Variants in ESRRG observed in about 807,000 individuals in gnomAD.
The protein encoded by ESRRG is estrogen related receptor gamma.
A neutral mutation model predicts 44.0 loss-of-function variants in ESRRG; 13 were observed. That is an observed-to-expected ratio of 0.30 (90% CI 0.19 to 0.47). ESRRG has a LOEUF of 0.47. Ranked by LOEUF, ESRRG falls within the 20% of genes least tolerant of loss-of-function variation. The pLI, the probability that ESRRG is intolerant of heterozygous loss-of-function variation, is 1.00. For missense variants in ESRRG, 395 were observed against 580.6 expected (o/e 0.68, Z 3.29); for synonymous variants, 215 against 214.6 (o/e 1.00, Z -0.02).
intron 1 of ESRRG, among the ~76,000 whole-genome samples, chr1:217,024,910 A>C (rs899414043): frequency 2.6e-5 from 4 of 152,208 alleles, no homozygotes; most frequent in African/African-American, 9.6e-5. Context: ...TTAGCAGCAG[A>C]GATATACTTT....
chr1:216,655,696 T>A (rs1022129032), intron 2 of ESRRG, among the ~76,000 whole-genome samples: 4 of 152,198 alleles, frequency 2.6e-5, no homozygotes, highest in African/African-American at 9.7e-5. Context: ...AACCTTGATT[T>A]CACTAAGTGA....
rs2060115506 is a variant in ESRRG, at chr1:216,909,891, AC to A, written c.-14+29690del. On this transcript the variant is annotated intron_variant, in intron 2 of 7. Coordinates refer to the ESRRG transcript ENST00000359162. Reference sequence around the variant, plus strand: ...AGCACCATTAATAACAACAAGCAAAACCCACAAATGAACAAAAACAAAAGAA... The same window carrying A: ...AGCACCATTAATAACAACAAGCAAAACCACAAATGAACAAAAACAAAAGAA... Among the ~76,000 whole-genome samples, 3 of 152,264 alleles carry A rather than the reference AC, an allele frequency of 2.0e-5. No individual in the cohort carries two copies. In the Middle Eastern group the frequency reaches 0.01, roughly 518 times the overall value.
At chr1:216,853,497 C>A (rs949028954) in intron 2 of ESRRG, among the ~76,000 whole-genome samples, 1 of 152,188 alleles carries the variant, frequency 6.6e-6, no homozygotes, top group Non-Finnish European at 1.5e-5. Context: ...TCTACACACA[C>A]CTTCCTCTAG....
At chr1:216,923,885 C>T (rs373245953) in intron 2 of ESRRG, among the ~76,000 whole-genome samples, 127 of 152,292 alleles carry the variant, frequency 8.3e-4, no homozygotes, top group African/African-American at 2.9e-3. Flanking sequence ...AGTGACTCAG[C>T]CATTACTGCA....
At chr1:216,841,679 A>G (rs1577133984) in intron 2 of ESRRG, among the ~76,000 whole-genome samples, 1 of 151,986 alleles carries the variant, frequency 6.6e-6, no homozygotes, top group African/African-American at 2.4e-5. Flanking sequence ...GCACCTCTTA[A>G]CCTCCCCTTC....
At position 217,087,676 on chromosome 1, in the gene ESRRG, G is replaced by A. The variant is rs759728468; in HGVS notation, c.-106+1831C>T. Among the ~76,000 whole-genome samples, 4 of 152,112 alleles carry A rather than the reference G, an allele frequency of 2.6e-5. No homozygotes were observed. The East Asian group carries it at 5.8e-4, about 22-fold the overall frequency. On this transcript the variant is annotated intron_variant, in intron 1 of 7. Transcript: ENST00000359162. Reference sequence around the variant, plus strand: ...TCTTCTATCTCCATTCATCACCCCAGTCAATGGACAGTTTTATGTGCTATG... The same window carrying A: ...TCTTCTATCTCCATTCATCACCCCAATCAATGGACAGTTTTATGTGCTATG...
intron 3 of ESRRG, among the ~76,000 whole-genome samples, chr1:216,588,852 C>T (rs2057152225): frequency 6.6e-6 from 1 of 152,108 alleles, no homozygotes; most frequent in Non-Finnish European, 1.5e-5. Flanking sequence ...AAAACAAGCG[C>T]TTTGGGAATC....
Position 217,095,602 on chromosome 1 carries a change from G to A in ESRRG, c.-230+42065C>T, listed in dbSNP as rs368356074. On this transcript the variant is annotated intron_variant, in intron 1 of 8. Coordinates refer to the ESRRG transcript ENST00000366940. Reference sequence around the variant, plus strand: ...CAACAGACTTAAATGTCTGGCTTGGGCAACTGAATTAAAATGGTAGGATAT... The same window carrying A: ...CAACAGACTTAAATGTCTGGCTTGGACAACTGAATTAAAATGGTAGGATAT... Among the ~76,000 whole-genome samples the A allele has an allele frequency of 9.9e-5, 15 of 152,264 alleles. No homozygotes were observed. In the South Asian group the frequency reaches 1.7e-3, roughly 17 times the overall value.
At chr1:217,121,915 T>C (rs1295217078) in intron 1 of ESRRG, among the ~76,000 whole-genome samples, 2 of 152,176 alleles carry the variant, frequency 1.3e-5, no homozygotes, top group Admixed American at 1.3e-4. Context: ...ACTAAGTTCT[T>C]GATGGTGTAA....
chr1:216,597,500 G>A (rs1472626388), intron 3 of ESRRG, among the ~76,000 whole-genome samples: 2 of 152,116 alleles, frequency 1.3e-5, no homozygotes, highest in African/African-American at 2.4e-5. Flanking sequence ...ATTTGGAACT[G>A]TGTTTTCTAA....
At chr1:216,651,125 A>G (rs758112385) in intron 2 of ESRRG, 36 bp from the exon 3 acceptor site, 8 of 1,342,134 alleles carry the variant, frequency 6.0e-6, no homozygotes, top group East Asian at 2.3e-5. Context: ...TGTCATATTT[A>G]CAAGATCCAG....
intron 2 of ESRRG, among the ~76,000 whole-genome samples, chr1:216,730,834 C>T (rs1337028205): frequency 6.6e-6 from 1 of 152,118 alleles, no homozygotes; most frequent in Admixed American, 6.5e-5. Context: ...GGATTGAAGA[C>T]AAGGCCTGCT....
chr1:216,559,071 T>G (rs936301578), intron 5 of ESRRG, among the ~76,000 whole-genome samples: 2 of 152,074 alleles, frequency 1.3e-5, no homozygotes, highest in African/African-American at 2.4e-5. Flanking sequence ...GGTTTTGCCA[T>G]GTTGGCCAGC....
chr1:216,746,974 TAA>T (rs1466203868), intron 2 of ESRRG, among the ~76,000 whole-genome samples: 9 of 152,192 alleles, frequency 5.9e-5, no homozygotes, highest in Non-Finnish European at 1.3e-4. Flanking sequence ...TTATTATCAG[TAA>T]TTATCAGTAT....
intron 2 of ESRRG, among the ~76,000 whole-genome samples, chr1:216,794,661 T>C (rs1185558935): frequency 6.6e-6 from 1 of 152,206 alleles, no homozygotes; most frequent in Admixed American, 6.5e-5. Context: ...AATGATCTCC[T>C]CTGGGAGAGA....
intron 3 of ESRRG, among the ~76,000 whole-genome samples, chr1:216,582,434 G>A (rs1235357451): frequency 6.6e-6 from 1 of 152,074 alleles, no homozygotes; most frequent in Non-Finnish European, 1.5e-5. Context: ...GTTGGAAACT[G>A]CAAGTCAATT....
intron 5 of ESRRG, among the ~76,000 whole-genome samples, chr1:216,537,521 G>A (rs892521392): frequency 1.3e-5 from 2 of 152,072 alleles, no homozygotes; most frequent in African/African-American, 4.8e-5. Flanking sequence ...AGAGGCTAGT[G>A]CAGCTGGAGA....
chr1:216,829,040 C>T, intron 2 of ESRRG, among the ~76,000 whole-genome samples: 1 of 152,138 alleles, frequency 6.6e-6, no homozygotes, highest in East Asian at 1.9e-4. Flanking sequence ...ATATGTATGT[C>T]TTTAAGTGAC....
chr1:217,135,570 CG>C (rs2093038249), intron 1 of ESRRG, among the ~76,000 whole-genome samples: 1 of 151,448 alleles, frequency 6.6e-6, no homozygotes, highest in African/African-American at 2.4e-5. Flanking sequence ...GGCGGCAGGG[CG>C]GCTGCACCTC....
Sources: gnomAD v4.1 joint callset for allele counts (sites outside exome capture counted in the v4.1 genomes callset) on GRCh38, gnomAD v4.1.1 for gene constraint, MANE v1.5 for transcripts, NCBI Gene and HGNC (gene_info 2026-07-23, HGNC 2026-07-21) for gene names.